The following SYN3 variants were observed in gnomAD, a reference collection of about 807,000 sequenced individuals.
SYN3 encodes the protein synapsin III, also known as synapsin-3.
A neutral mutation model predicts 65.8 loss-of-function variants in SYN3; 35 were observed. That is an observed-to-expected ratio of 0.53 (90% CI 0.41 to 0.70). SYN3 has a LOEUF of 0.70. Ranked by LOEUF, SYN3 falls within the 30% of genes least tolerant of loss-of-function variation. The probability of loss-of-function intolerance (pLI) is 0.00; values close to 1 mark genes in which losing one functional copy is unlikely to be tolerated. For missense variants in SYN3, 680 were observed against 749.0 expected (o/e 0.91, Z 1.08); for synonymous variants, 270 against 292.9 (o/e 0.92, Z 0.80).
intron 6 of SYN3, among the ~76,000 whole-genome samples, chr22:32,814,595 G>C (rs2047038659): frequency 6.6e-6 from 1 of 152,190 alleles, no homozygotes; most frequent in Non-Finnish European, 1.5e-5. Flanking sequence ...TTGGCAGCTG[G>C]ATAGATTTTA....
intron 1 of SYN3, among the ~76,000 whole-genome samples, chr22:33,046,510 G>A (rs2054067192): frequency 6.6e-6 from 1 of 152,036 alleles, no homozygotes; most frequent in Admixed American, 6.6e-5. Flanking sequence ...ACAAGGTCAG[G>A]AGTTCGAGAC....
Position 32,722,936 on chromosome 22 carries a change from G to A in SYN3, c.712-126200C>T, listed in dbSNP as rs115485296. The stretch of plus-strand genomic sequence containing the variant: ...TTACGAGACTGCTTGTCTTGGTCCC[G>A]AGCTTCTTCATAAATAATCTTCACC... On this transcript the variant is annotated intron_variant, in intron 6 of 13. Transcript: ENST00000358763. 5.0e-3 allele frequency among the ~76,000 whole-genome samples: 758 copies of A among 152,276 alleles called. 6 individuals carry two copies. The highest frequency in any genetic ancestry group is 0.017 in the African/African-American group (686 of 41,538).
At chr22:32,686,959 G>C (rs2060598861) in intron 6 of SYN3, among the ~76,000 whole-genome samples, 1 of 151,914 alleles carries the variant, frequency 6.6e-6, no homozygotes, top group Non-Finnish European at 1.5e-5. Context: ...CTAAATATCA[G>C]CAGAGCTGGA....
chr22:32,559,550 C>T (rs1219380901), intron 7 of SYN3, among the ~76,000 whole-genome samples: 2 of 152,170 alleles, frequency 1.3e-5, no homozygotes, highest in Non-Finnish European at 1.5e-5. Flanking sequence ...AAACCTTGGC[C>T]GGGCGCGGTG....
chr22:32,570,763 C>G (rs1424332104), intron 7 of SYN3, among the ~76,000 whole-genome samples: 1 of 152,116 alleles, frequency 6.6e-6, no homozygotes, highest in East Asian at 1.9e-4. Context: ...GGGTTACTTA[C>G]CCATGAGCCA....
intron 6 of SYN3, among the ~76,000 whole-genome samples, chr22:32,823,413 A>G (rs1011178423): frequency 5.3e-5 from 8 of 152,092 alleles, no homozygotes; most frequent in African/African-American, 1.7e-4. Flanking sequence ...TAGATGAGCT[A>G]GATTTGAACC....
At chr22:32,798,970 C>G (rs1011972856) in intron 6 of SYN3, among the ~76,000 whole-genome samples, 3 of 151,906 alleles carry the variant, frequency 2.0e-5, no homozygotes, top group African/African-American at 7.3e-5. Context: ...GGATTACAGG[C>G]GTGAGCCACC....
At chr22:32,640,967 G>A (rs1034011584) in intron 6 of SYN3, among the ~76,000 whole-genome samples, 4 of 152,192 alleles carry the variant, frequency 2.6e-5, no homozygotes, top group Admixed American at 2.6e-4. Flanking sequence ...CGGGCTTCAA[G>A]TCAGAAGGCT....
In SYN3 at chr22:32,931,490, T is replaced by C. The variant is rs756299667; in HGVS notation, c.370-9A>G. The C allele has an allele frequency of 5.0e-6, 8 of 1,604,102 alleles. No homozygotes were observed. The highest frequency in any genetic ancestry group is 2.6e-6 in the Non-Finnish European group (3 of 1,171,152). On this transcript the variant is annotated splice_polypyrimidine_tract_variant and intron_variant, in intron 3 of 13. Transcript: ENST00000358763. ...AACTCTGAGAATTCAGCCTGAAGAA[T>C]AAAGCAAAGCAAAAAAGGATTCATC... is the stretch of plus-strand genomic sequence containing the variant.
At chr22:32,664,271 A>G (rs1364635956) in intron 6 of SYN3, among the ~76,000 whole-genome samples, 1 of 152,148 alleles carries the variant, frequency 6.6e-6, no homozygotes, top group Non-Finnish European at 1.5e-5. Flanking sequence ...CCCCTTTGCA[A>G]TTGAAACCAT....
intron 1 of SYN3, among the ~76,000 whole-genome samples, chr22:33,034,016 T>A (rs1441776456): frequency 6.6e-6 from 1 of 151,368 alleles, no homozygotes; most frequent in Non-Finnish European, 1.5e-5. Flanking sequence ...GAAACCCCCA[T>A]CTCTACTAGA....
intron 6 of SYN3, among the ~76,000 whole-genome samples, chr22:32,745,691 G>T (rs369393084): frequency 2.6e-4 from 39 of 152,170 alleles, no homozygotes; most frequent in East Asian, 1.2e-3. Flanking sequence ...AGGAGACAGA[G>T]GCAGAGAGAG....
chr22:32,528,774 C>A, intron 11 of SYN3, 100 bp downstream of exon 11: 1 of 1,528,268 alleles, frequency 6.5e-7, no homozygotes, highest in African/African-American at 1.4e-5. Flanking sequence ...AAGGTGGTTT[C>A]TTCCTGGGGG....
rs2057666551 is a variant in SYN3, at chr22:32,509,391, C to G, written c.*4301G>C. 1.3e-5 allele frequency among the ~76,000 whole-genome samples: 2 copies of G among 152,100 alleles called. No homozygotes were observed. Among genetic ancestry groups the G allele is most frequent in the South Asian group, 2.1e-4 (1 of 4,800 alleles). ...TTTAGAGTCTATACAGCATGACTCCCCTCTCCCTCCTTTTTGCCCTTTCCC... is the reference window on the plus strand; with the variant it reads ...TTTAGAGTCTATACAGCATGACTCCGCTCTCCCTCCTTTTTGCCCTTTCCC... On this transcript the variant is annotated 3_prime_UTR_variant, in exon 14 of 14. Coordinates refer to ENST00000358763, the MANE Select transcript of SYN3 (RefSeq NM_003490.4).
At chr22:32,574,934 G>A (rs2058830722) in intron 7 of SYN3, among the ~76,000 whole-genome samples, 1 of 152,192 alleles carries the variant, frequency 6.6e-6, no homozygotes, top group African/African-American at 2.4e-5. Flanking sequence ...ATGAGAGTAG[G>A]GACTTGGTCT....
chr22:32,842,760 C>T (rs1177994093), intron 6 of SYN3, among the ~76,000 whole-genome samples: 8 of 152,006 alleles, frequency 5.3e-5, no homozygotes, highest in Non-Finnish European at 8.8e-5. Flanking sequence ...AAAGCCTTGC[C>T]GGGGAGCACA....
intron 1 of SYN3, among the ~76,000 whole-genome samples, chr22:33,009,218 T>C (rs1013679438): frequency 6.6e-6 from 1 of 152,038 alleles, no homozygotes; most frequent in African/African-American, 2.4e-5. Context: ...TTTCCCATAG[T>C]GGTTGTTTGA....
intron 6 of SYN3, among the ~76,000 whole-genome samples, chr22:32,703,769 A>G (rs938379721): frequency 6.6e-6 from 1 of 152,182 alleles, no homozygotes; most frequent in Admixed American, 6.5e-5. Context: ...CATCCCACCC[A>G]ATGTAATTTC....
At chr22:32,614,084 A>C (rs1326026639) in intron 6 of SYN3, among the ~76,000 whole-genome samples, 1 of 152,202 alleles carries the variant, frequency 6.6e-6, no homozygotes, top group Admixed American at 6.5e-5. Context: ...TCAGGGTTTA[A>C]ATGAATTAAC....
Sources: allele counts gnomAD v4.1 joint callset (sites outside exome capture counted in the v4.1 genomes callset), GRCh38; gene constraint gnomAD v4.1.1; transcripts MANE v1.5; gene names NCBI Gene and HGNC (gene_info 2026-07-23, HGNC 2026-07-21).